Variants in HHLA1 observed in about 807,000 individuals in gnomAD.
HHLA1 encodes the protein HERV-H LTR-associating protein 1.
HHLA1 carries 72 observed loss-of-function variants against 69.9 expected under a neutral mutation model. The observed-to-expected ratio is 1.03, with a 90% CI of 0.85 to 1.25. HHLA1 has a LOEUF of 1.25. Among genes scored for constraint, HHLA1 ranks in the 50% most tolerant of loss-of-function variants. HHLA1 has a pLI of 0.00. For synonymous variants in HHLA1, 252 were observed against 233.2 expected (o/e 1.08, Z -0.73); for missense variants, 685 against 642.2 (o/e 1.07, Z -0.72).
intron 14 of HHLA1, 58 bp from the exon 15 acceptor site, chr8:132,071,551 T>C (rs1823545606): frequency 2.0e-6 from 3 of 1,493,368 alleles, no homozygotes; most frequent in East Asian, 4.9e-5. Flanking sequence ...GCATCTTCTC[T>C]TCGTTAAGCC....
chr8:132,070,432 C>T, intron 15 of HHLA1: 3 of 699,640 alleles, frequency 4.3e-6, no homozygotes, highest in Admixed American at 4.0e-5. Flanking sequence ...GCAAATCTCG[C>T]CAGGCTGAGG....
intron 15 of HHLA1, chr8:132,070,459 A>G (rs1366048887): frequency 7.2e-6 from 5 of 690,040 alleles, no homozygotes; most frequent in South Asian, 1.5e-5. Context: ...GGATTAAAGA[A>G]CCACTCAAGA....
chr8:132,093,045 C>A (rs1481066890), intron 7 of HHLA1, among the ~76,000 whole-genome samples: 2 of 152,138 alleles, frequency 1.3e-5, no homozygotes, highest in East Asian at 3.9e-4. Context: ...GTTATAGTAG[C>A]CCACCCTGTA....
chr8:132,068,365 C>G (rs1823475941), intron 15 of HHLA1, among the ~76,000 whole-genome samples: 1 of 152,206 alleles, frequency 6.6e-6, no homozygotes, highest in South Asian at 2.1e-4. Flanking sequence ...CATCCCCAAG[C>G]TTTCTGGCAG....
chr8:132,098,840 A>T (rs1486197394), intron 5 of HHLA1, 42 bp downstream of exon 5: 2 of 1,230,864 alleles, frequency 1.6e-6, no homozygotes, highest in Admixed American at 2.3e-5. Context: ...CTGGTACAAG[A>T]AAAAAAAATG....
intron 7 of HHLA1, among the ~76,000 whole-genome samples, chr8:132,095,207 A>C (rs1434103219): frequency 6.6e-6 from 1 of 152,132 alleles, no homozygotes; most frequent in Non-Finnish European, 1.5e-5. Flanking sequence ...GAGCACTCTC[A>C]CTCATTTATG....
In HHLA1 at chr8:132,062,046, G is replaced by A. The variant is rs192188555; in HGVS notation, c.*1949C>T. Reference sequence around the variant, plus strand: ...CCATCCATTCTTCACCTTCCTTGATGATAAGTTACTCTTTGAGGAACCTTG... The same window carrying A: ...CCATCCATTCTTCACCTTCCTTGATAATAAGTTACTCTTTGAGGAACCTTG... On this transcript the variant is annotated 3_prime_UTR_variant, in exon 17 of 17. Transcript: ENST00000414222. 1.3e-5 allele frequency: 2 copies of A among 152,290 alleles called. No individual in the cohort carries two copies. Among genetic ancestry groups the A allele is most frequent in the East Asian group, 3.9e-4 (2 of 5,168 alleles). The allele number at this position is 152,290 out of a possible 1,614,324, so 9.4% of individuals were successfully genotyped here. A position where few individuals can be genotyped will look rare whatever the true frequency, so the allele number is the denominator to read the frequency against.
intron 7 of HHLA1, among the ~76,000 whole-genome samples, chr8:132,090,704 G>A (rs1378423305): frequency 6.6e-6 from 1 of 151,300 alleles, no homozygotes; most frequent in Admixed American, 6.6e-5. Flanking sequence ...TGCAGGTATA[G>A]ACACCTGTAT....
intron 1 of HHLA1, among the ~76,000 whole-genome samples, chr8:132,108,659 T>G (rs751649852): frequency 3.0e-4 from 45 of 152,064 alleles, no homozygotes; most frequent in Non-Finnish European, 3.5e-4. Flanking sequence ...GCACATGGAT[T>G]ATTTTGAGTG....
Position 132,105,172 on chromosome 8 carries a change from T to A in HHLA1, c.79+15A>T. On this transcript the variant is annotated intron_variant, in intron 2 of 16. Transcript: ENST00000414222. Reference sequence around the variant, plus strand: ...TATACAGAACAGACACTTGCAGAACTCCAGCTAGACCCACCTGTGTTCCAA... The same window carrying A: ...TATACAGAACAGACACTTGCAGAACACCAGCTAGACCCACCTGTGTTCCAA... 1 of 1,544,734 alleles carries A rather than the reference T, an allele frequency of 6.5e-7. No homozygotes were observed. Among genetic ancestry groups the A allele is most frequent in the Non-Finnish European group, 8.8e-7 (1 of 1,140,496 alleles).
At chr8:132,093,377 G>GA (rs1288725403) in intron 7 of HHLA1, among the ~76,000 whole-genome samples, 12 of 152,038 alleles carry the variant, frequency 7.9e-5, no homozygotes, top group East Asian at 1.9e-4. Flanking sequence ...CATTTAGGAA[G>GA]AAAAAAAAGG....
chr8:132,100,143 G>C lies in HHLA1; in HGVS notation c.140-9C>G, dbSNP rs1824089804. On this transcript the variant is annotated splice_polypyrimidine_tract_variant and intron_variant, in intron 3 of 16. Coordinates refer to ENST00000414222, the MANE Select transcript of HHLA1 (RefSeq NM_001145095.3). ...TTCTCTAAGGCCAGACACTGGGAAG[G>C]AGACAGTTTTCATGAGAAAAATGTG... The C allele has an allele frequency of 6.5e-7, 1 of 1,547,096 alleles. No individual in the cohort carries two copies.
At chr8:132,072,217 C>G (rs1201135686) in intron 14 of HHLA1, among the ~76,000 whole-genome samples, 1 of 152,058 alleles carries the variant, frequency 6.6e-6, no homozygotes, top group African/African-American at 2.4e-5. Context: ...AAGGAGACAA[C>G]AAATTATTTT....
chr8:132,076,438 C>A, intron 13 of HHLA1, 37 bp downstream of exon 13: 4 of 1,143,122 alleles, frequency 3.5e-6, no homozygotes, highest in Non-Finnish European at 5.1e-6. Context: ...TCCCATCCCC[C>A]ACCCCCAAAC....
chr8:132,092,034 C>T (rs1035248534), intron 7 of HHLA1, among the ~76,000 whole-genome samples: 3 of 152,154 alleles, frequency 2.0e-5, no homozygotes, highest in African/African-American at 7.2e-5. Flanking sequence ...ATGGTACATT[C>T]TTTCAATGAA....
intron 10 of HHLA1, among the ~76,000 whole-genome samples, chr8:132,086,664 C>T (rs1396608055): frequency 2.6e-5 from 4 of 152,068 alleles, no homozygotes; most frequent in Admixed American, 2.6e-4. Flanking sequence ...GAAAGACTCT[C>T]CAAATAAATG....
intron 10 of HHLA1, among the ~76,000 whole-genome samples, chr8:132,086,224 G>A (rs552358220): frequency 6.6e-6 from 1 of 152,254 alleles, no homozygotes; most frequent in African/African-American, 2.4e-5. Context: ...TGGATATGAC[G>A]ATGACAGGCT....
At position 132,087,854 on chromosome 8, in the gene HHLA1, C is replaced by T; in HGVS notation, c.580G>A (p.Gly194Arg). Residue 194 changes from glycine to arginine, a missense_variant, in exon 9 of 17, where the codon GGA (glycine) becomes AGA (arginine). Transcript: ENST00000414222. Reference protein sequence around the residue: ...SDCIFICVMTGKSGRNLSDFW... With the variant: ...SDCIFICVMTRKSGRNLSDFW... ...ATGTCTAGTGGTTTACCTGACTTTC[C>T]TGTCATCACACAGATGAAGATGCAA... 1 of 1,551,394 alleles carries T rather than the reference C, an allele frequency of 6.4e-7. No individual in the cohort carries two copies. The highest frequency in any genetic ancestry group is 8.7e-7 in the Non-Finnish European group (1 of 1,146,598).
At chr8:132,074,034 A>G (rs939868346) in intron 14 of HHLA1, among the ~76,000 whole-genome samples, 8 of 152,152 alleles carry the variant, frequency 5.3e-5, no homozygotes, top group African/African-American at 1.9e-4. Context: ...TTGCCTCAGA[A>G]GTCTACACTC....
Sources: allele counts gnomAD v4.1 joint callset (sites outside exome capture counted in the v4.1 genomes callset), GRCh38; gene constraint gnomAD v4.1.1; transcripts MANE v1.5; gene names NCBI Gene and HGNC (gene_info 2026-07-23, HGNC 2026-07-21).